ADARB2: variants seen among roughly 807,000 people sequenced by gnomAD.
The protein encoded by ADARB2 is adenosine deaminase RNA specific B2 (inactive), also known as inactive double-stranded RNA-specific editase B2.
Under a neutral mutation model 62.2 loss-of-function variants are expected in ADARB2, and 25 were observed. The ratio of observed to expected loss-of-function variants is 0.40; its 90% CI spans 0.29 to 0.56. The LOEUF (loss-of-function observed/expected upper bound fraction) is 0.56, where lower values mean the gene tolerates loss of function less well. ADARB2 is among the 20% of genes least tolerant of loss of function. The pLI is 0.43. For synonymous variants in ADARB2, 572 were observed against 500.8 expected (o/e 1.14, Z -1.90); for missense variants, 1,071 against 1,077.4 (o/e 0.99, Z 0.08).
intron 4 of ADARB2, among the ~76,000 whole-genome samples, chr10:1,247,657 C>T (rs1830999228): frequency 6.6e-6 from 1 of 152,198 alleles, no homozygotes; most frequent in African/African-American, 2.4e-5. Context: ...CAGTTGAAGA[C>T]TGCGAGCAAA....
At chr10:1,685,066 C>A (rs1027948879) in intron 1 of ADARB2, among the ~76,000 whole-genome samples, 3 of 152,100 alleles carry the variant, frequency 2.0e-5, no homozygotes. Flanking sequence ...GGGAGAAGAC[C>A]GGACAGGACC....
rs771868314 is a variant in ADARB2 at position 1,314,286 on chromosome 10, C to T, written c.1078-43217G>A. Among the ~76,000 whole-genome samples, 11 of 152,318 alleles carry T rather than the reference C, an allele frequency of 7.2e-5. No individual in the cohort carries two copies. In the South Asian group the frequency reaches 2.3e-3, roughly 32 times the overall value. On this transcript the variant is annotated intron_variant, in intron 3 of 9. Transcript: ENST00000381312. The stretch of plus-strand genomic sequence containing the variant: ...CGCCTCCCTTTCAGTAAGGACATCT[C>T]CCCTCGCAGGTCACCAGCCCTGCCC...
intron 1 of ADARB2, among the ~76,000 whole-genome samples, chr10:1,651,522 A>C (rs2119073133): frequency 6.6e-6 from 1 of 152,346 alleles, no homozygotes; most frequent in South Asian, 2.1e-4. Flanking sequence ...CGCCTAGACA[A>C]CCACACTCCC....
chr10:1,351,475 G>A (rs568343046), intron 3 of ADARB2, among the ~76,000 whole-genome samples: 4 of 151,242 alleles, frequency 2.6e-5, no homozygotes, highest in South Asian at 4.2e-4. Context: ...ACTCCTTTTA[G>A]TTATCCCCAC....
intron 1 of ADARB2, among the ~76,000 whole-genome samples, chr10:1,595,280 C>T (rs1356418771): frequency 6.6e-6 from 1 of 152,166 alleles, no homozygotes; most frequent in East Asian, 1.9e-4. Flanking sequence ...CGCTGAAGAA[C>T]AGCTTGCCTG....
chr10:1,513,559 G>A (rs79884476), intron 1 of ADARB2, among the ~76,000 whole-genome samples: 68 of 152,304 alleles, frequency 4.5e-4, no homozygotes, highest in Non-Finnish European at 7.9e-4. Flanking sequence ...ATGATGGAGC[G>A]CGCTGGGAAG....
At chr10:1,529,290 T>C (rs12781356) in intron 1 of ADARB2, among the ~76,000 whole-genome samples, 2,290 of 66,940 alleles carry the variant, frequency 0.034, 84 homozygotes, top group East Asian at 0.26. Flanking sequence ...AATCAGTCCA[T>C]GCACCATCCC....
At chr10:1,381,013 T>A (rs1225319092) in intron 1 of ADARB2, among the ~76,000 whole-genome samples, 1 of 152,274 alleles carries the variant, frequency 6.6e-6, no homozygotes, top group African/African-American at 2.4e-5. Flanking sequence ...AGGATTGTTT[T>A]AGATCCATCA....
At position 1,464,765 on chromosome 10, in the gene ADARB2, G is replaced by A. The variant is rs540317662; in HGVS notation, c.101-85605C>T. Among the ~76,000 whole-genome samples the A allele has an allele frequency of 7.1e-5, 10 of 140,490 alleles. No individual in the cohort carries two copies. The East Asian group carries it at 1.7e-3, about 24-fold the overall frequency. The allele number at this position is 140,490 out of a possible 152,430, so 92.2% of individuals were successfully genotyped here. On this transcript the variant is annotated intron_variant, in intron 1 of 9. Transcript: ENST00000381312. ...CACACGCGCTGGGGGCAGTCACAGCGGGCAGCGTGCTGGAGAAGAGGGTGG... is the reference window on the plus strand; with the variant it reads ...CACACGCGCTGGGGGCAGTCACAGCAGGCAGCGTGCTGGAGAAGAGGGTGG...
intron 5 of ADARB2, among the ~76,000 whole-genome samples, chr10:1,241,367 C>T (rs997295423): frequency 3.3e-5 from 5 of 152,184 alleles, no homozygotes; most frequent in Admixed American, 3.3e-4. Flanking sequence ...AGCTAATGGG[C>T]ATGGAGATGA....
At chr10:1,380,136 A>G (rs1436607076) in intron 1 of ADARB2, among the ~76,000 whole-genome samples, 6 of 152,228 alleles carry the variant, frequency 3.9e-5, no homozygotes, top group Non-Finnish European at 7.3e-5. Context: ...GACACAGCAC[A>G]GGGATCCCCT....
chr10:1,511,099 C>T (rs1831930806), intron 1 of ADARB2, among the ~76,000 whole-genome samples: 1 of 152,180 alleles, frequency 6.6e-6, no homozygotes, highest in Non-Finnish European at 1.5e-5. Flanking sequence ...AAGCCTTGGC[C>T]TCCTAAAATG....
chr10:1,400,168 G>A (rs1050237114), intron 1 of ADARB2, among the ~76,000 whole-genome samples: 8 of 152,222 alleles, frequency 5.3e-5, no homozygotes, highest in East Asian at 1.9e-4. Flanking sequence ...TGCCTGCCAC[G>A]TGGAGCCAGC....
At chr10:1,470,252 AC>A (rs966267745) in intron 1 of ADARB2, among the ~76,000 whole-genome samples, 11 of 152,224 alleles carry the variant, frequency 7.2e-5, no homozygotes, top group Non-Finnish European at 1.5e-4. Context: ...AGTTTTCAAT[AC>A]AAGTGCCTTC....
At chr10:1,222,549 G>A (rs1454210632) in intron 6 of ADARB2, among the ~76,000 whole-genome samples, 2 of 149,436 alleles carry the variant, frequency 1.3e-5, no homozygotes, top group Non-Finnish European at 2.9e-5. Flanking sequence ...ATGGTTTTAG[G>A]TCTAACATGT....
At chr10:1,471,882 G>A (rs976820477) in intron 1 of ADARB2, among the ~76,000 whole-genome samples, 18 of 152,204 alleles carry the variant, frequency 1.2e-4, no homozygotes, top group Non-Finnish European at 2.2e-4. Flanking sequence ...AGAGAACCTT[G>A]TCTCACCCTC....
intron 1 of ADARB2, chr10:1,675,401 G>A (rs1188693045): frequency 1.8e-5 from 18 of 982,512 alleles, no homozygotes; most frequent in Non-Finnish European, 2.0e-5. Context: ...ATGTTCTGGA[G>A]GTTTGGGTTA....
At chr10:1,484,745 T>C (rs76067811) in intron 1 of ADARB2, among the ~76,000 whole-genome samples, 1,919 of 152,216 alleles carry the variant, frequency 0.013, 45 homozygotes, top group African/African-American at 0.042. Context: ...TATGTAGGCG[T>C]GCATATAGGT....
At chr10:1,599,896 A>G (rs144528822) in intron 1 of ADARB2, among the ~76,000 whole-genome samples, 82 of 152,184 alleles carry the variant, frequency 5.4e-4, no homozygotes, top group African/African-American at 1.7e-3. Flanking sequence ...CCAGGCATGC[A>G]TCACCACACC....
Sources: allele counts gnomAD v4.1 joint callset (sites outside exome capture counted in the v4.1 genomes callset), GRCh38; gene constraint gnomAD v4.1.1; transcripts MANE v1.5; gene names NCBI Gene and HGNC (gene_info 2026-07-23, HGNC 2026-07-21).